The following EML6 variants were observed in gnomAD, a reference collection of about 807,000 sequenced individuals.
EML6 encodes the protein EMAP like 6.
A neutral mutation model predicts 240.1 loss-of-function variants in EML6; 154 were observed. The observed-to-expected ratio is 0.64, with a 90% CI of 0.56 to 0.73. The LOEUF is 0.73. EML6 is among the 30% of genes least tolerant of loss of function. EML6 has a pLI of 0.00. For missense variants in EML6, 2,964 were observed against 2,474.6 expected, an observed-to-expected ratio of 1.20 and a Z score of -4.20; for synonymous variants, 1,148 against 899.0, an observed-to-expected ratio of 1.28 and a Z score of -4.95.
intron 28 of EML6, among the ~76,000 whole-genome samples, chr2:54,941,748 G>C (rs778123196): frequency 2.0e-5 from 3 of 152,164 alleles, no homozygotes; most frequent in Non-Finnish European, 2.9e-5. Context: ...CCCCATGGGA[G>C]AGTGATGGCA....
chr2:54,800,167 C>A (rs1320509114), intron 2 of EML6, among the ~76,000 whole-genome samples: 1 of 152,112 alleles, frequency 6.6e-6, no homozygotes, highest in South Asian at 2.1e-4. Context: ...ATCGCTTGAA[C>A]CCAGGAGGTA....
intron 3 of EML6, among the ~76,000 whole-genome samples, chr2:54,816,417 G>A (rs1435834244): frequency 6.6e-6 from 1 of 152,046 alleles, no homozygotes; most frequent in Non-Finnish European, 1.5e-5. Flanking sequence ...AGAATTCTGG[G>A]TTCTATTAAA....
At chr2:54,857,210 G>A (rs749756718) in intron 11 of EML6, among the ~76,000 whole-genome samples, 1 of 152,202 alleles carries the variant, frequency 6.6e-6, no homozygotes, top group South Asian at 2.1e-4. Flanking sequence ...CCGGGTGGAC[G>A]TGGCACAGAG....
chr2:54,954,222 C>A, intron 32 of EML6, 66 bp downstream of exon 32: 1 of 1,413,714 alleles, frequency 7.1e-7, no homozygotes. Flanking sequence ...CCTGTGGGCT[C>A]GAACCCAGAT....
intron 25 of EML6, among the ~76,000 whole-genome samples, chr2:54,916,399 G>T (rs1279610948): frequency 6.6e-6 from 1 of 152,196 alleles, no homozygotes; most frequent in Non-Finnish European, 1.5e-5. Flanking sequence ...CAACAACAAA[G>T]AATTTTCCAG....
intron 11 of EML6, among the ~76,000 whole-genome samples, chr2:54,858,319 A>G (rs756059952): frequency 2.0e-5 from 3 of 152,244 alleles, no homozygotes; most frequent in Non-Finnish European, 2.9e-5. Flanking sequence ...CACTTTTGCC[A>G]TATTCTGTTC....
At chr2:54,869,020 G>A in intron 14 of EML6, 161 bp from the exon 15 acceptor site, 3 of 524,994 alleles carry the variant, frequency 5.7e-6, no homozygotes, top group South Asian at 7.1e-5. Context: ...CATGCCCTCA[G>A]ACGGCCACAT....
At chr2:54,817,952 C>T (rs1213875645) in intron 4 of EML6, among the ~76,000 whole-genome samples, 1 of 151,816 alleles carries the variant, frequency 6.6e-6, no homozygotes, top group Non-Finnish European at 1.5e-5. Flanking sequence ...CTGGAAGAGG[C>T]CTGGTACCCC....
intron 31 of EML6, 99 bp from the exon 32 acceptor site, chr2:54,953,884 C>CT (rs1676104613): frequency 1.2e-5 from 10 of 816,570 alleles, no homozygotes; most frequent in African/African-American, 6.0e-5. Flanking sequence ...AAGACTCTGT[C>CT]TAAAAAAAAA....
rs1425968162 is a variant in EML6, at chr2:54,928,370, A to C, written c.3733A>C (p.Arg1245=). 1.9e-6 allele frequency: 3 copies of C among 1,551,714 alleles called. No individual in the cohort carries two copies. Among genetic ancestry groups the C allele is most frequent in the Admixed American group, 3.9e-5 (2 of 50,958 alleles). The part of the protein sequence containing the change: ...VGHSAHVTNV[R]WLHNDSVLLT... ...GCACAGTGCACATGTCACTAACGTG[A>C]GGTGGCTGCACAATGACTCTGTGCT... Residue 1245 remains arginine, a synonymous_variant, in exon 27 of 42, where the codon AGG becomes CGG. Coordinates refer to ENST00000356458, the MANE Select transcript of EML6 (RefSeq NM_001039753.4).
At chr2:54,746,730 C>T (rs1025805322) in intron 2 of EML6, among the ~76,000 whole-genome samples, 2 of 152,082 alleles carry the variant, frequency 1.3e-5, no homozygotes, top group African/African-American at 2.4e-5. Flanking sequence ...TAATTCCATA[C>T]GTGTCCTAGT....
At chr2:54,960,140 G>A (rs1323512698) in intron 34 of EML6, 80 bp from the exon 35 acceptor site, 4 of 1,057,682 alleles carry the variant, frequency 3.8e-6, no homozygotes, top group Middle Eastern at 2.0e-4. Context: ...TGATGACTGG[G>A]AAAGAGGGGA....
rs1676779034 is a variant in EML6 at position 54,967,041 on chromosome 2, C to G, written c.5535C>G (p.Pro1845=). The G allele has an allele frequency of 6.4e-7, 1 of 1,551,334 alleles. No homozygotes were observed. Among genetic ancestry groups the G allele is most frequent in the African/African-American group, 1.4e-5 (1 of 73,028 alleles). ...GAYKRQVHEV[P]LGKQVTEAVV... ...ATAAGCGCCAGGTGCATGAGGTCCC[C>G]CTGGGGAAGCAGGTAACTGAAGCCG... Residue 1845 remains proline (P), a synonymous_variant, in exon 39 of 42, where the codon CCC becomes CCG. Coordinates refer to ENST00000356458, the MANE Select transcript of EML6 (RefSeq NM_001039753.4).
At chr2:54,896,574 A>C (rs970660211) in intron 21 of EML6, among the ~76,000 whole-genome samples, 1 of 152,174 alleles carries the variant, frequency 6.6e-6, no homozygotes, top group African/African-American at 2.4e-5. Flanking sequence ...TGGAAGAGGC[A>C]TGGTGAGGGG....
chr2:54,816,829 A>C lies in EML6; in HGVS notation c.400A>C (p.Ile134Leu). ...GTTGGATGCCAAAAACACAGTCTGC[A>C]TTTGGGACTGGAGGAAGGGAAAACT... ...VGLDAKNTVC[I>L]WDWRKGKLLA... The change falls in exon 4 of 42, where the codon ATT becomes CTT. Residue 134 changes from isoleucine (I) to leucine (L), a missense_variant. Transcript: ENST00000356458. 6.4e-7 allele frequency: 1 copy of C among 1,551,522 alleles called. No individual in the cohort carries two copies. The highest frequency in any genetic ancestry group is 8.7e-7 in the Non-Finnish European group (1 of 1,146,860).
At chr2:54,767,594 A>AAG (rs1362186800) in intron 2 of EML6, among the ~76,000 whole-genome samples, 2 of 131,342 alleles carry the variant, frequency 1.5e-5, no homozygotes, top group Non-Finnish European at 3.1e-5. Flanking sequence ...AAGTGGTATG[A>AAG]AGAGTGTGTG....
chr2:54,891,634 A>G (rs193241801), intron 18 of EML6, among the ~76,000 whole-genome samples: 301 of 152,356 alleles, frequency 2.0e-3, no homozygotes, highest in Non-Finnish European at 3.4e-3. Context: ...ATGAGAAAAC[A>G]TAGAGGATAT....
intron 35 of EML6, 60 bp downstream of exon 35, chr2:54,960,394 C>T: frequency 8.0e-7 from 1 of 1,257,290 alleles, no homozygotes; most frequent in South Asian, 1.3e-5. Flanking sequence ...TAGGTACCCT[C>T]CCAGCCGGCA....
rs549716407 is a variant in EML6 at position 54,968,748 on chromosome 2, C to T, written c.5832C>T (p.Ser1944=). The change falls in exon 41 of 42, where the codon AGC becomes AGT. Residue 1944 remains serine (S), a synonymous_variant. Transcript: ENST00000356458. ...RFSYDDKYVV[S]TGGDDCSVFV... ...CTTATGATGACAAGTATGTGGTCAG[C>T]ACTGGAGGAGACGACTGCAGGTACT... 3.9e-6 allele frequency: 6 copies of T among 1,544,860 alleles called. No homozygotes were observed. The East Asian group carries it at 7.3e-5, about 19-fold the overall frequency.
Sources: gnomAD v4.1 joint callset for allele counts (sites outside exome capture counted in the v4.1 genomes callset) on GRCh38, gnomAD v4.1.1 for gene constraint, MANE v1.5 for transcripts, NCBI Gene and HGNC (gene_info 2026-07-23, HGNC 2026-07-21) for gene names.